RP1: variants seen among roughly 807,000 people sequenced by gnomAD.
RP1 encodes the protein RP1 axonemal microtubule associated, also known as oxygen-regulated protein 1.
RP1 carries 16 observed loss-of-function variants against 14.8 expected under a neutral mutation model. The ratio of observed to expected loss-of-function variants is 1.08; its 90% confidence interval spans 0.73 to 1.65. The LOEUF is 1.65. Ranked by LOEUF, RP1 falls within the 40% of genes most tolerant of loss-of-function variation. The pLI is 0.00. For missense variants in RP1, 2,631 were observed against 2,535.0 expected, an observed-to-expected ratio of 1.04 and a Z score of -0.81; for synonymous variants, 876 against 883.6, an observed-to-expected ratio of 0.99 and a Z score of 0.15.
intron 9 of RP1, among the ~76,000 whole-genome samples, chr8:54,679,129 T>A (rs534827408): frequency 9.2e-5 from 14 of 152,316 alleles, no homozygotes; most frequent in Non-Finnish European, 1.9e-4. Flanking sequence ...CCAGTGAATA[T>A]AACATCTACG....
chr8:54,667,845 A>C (rs948484360), intron 7 of RP1, among the ~76,000 whole-genome samples: 5 of 152,260 alleles, frequency 3.3e-5, no homozygotes, highest in African/African-American at 1.2e-4. Flanking sequence ...GGCAATAATT[A>C]ATAGCCTACC....
At chr8:54,641,144 A>G (rs1325075622) in intron 3 of RP1, among the ~76,000 whole-genome samples, 1 of 151,800 alleles carries the variant, frequency 6.6e-6, no homozygotes, top group Non-Finnish European at 1.5e-5. Flanking sequence ...ACGGGGTTTC[A>G]CTGTGTTAGT....
At chr8:54,576,043 CTTTTTTTT>C (rs11443511) in intron 1 of RP1, among the ~76,000 whole-genome samples, 1 of 140,028 alleles carries the variant, frequency 7.1e-6, no homozygotes, top group South Asian at 2.3e-4. Flanking sequence ...CTGTCAGACT[CTTTTTTTT>C]TTTTTTTGAG....
chr8:54,748,515 A>T (rs541381147), intron 19 of RP1, among the ~76,000 whole-genome samples: 177 of 152,224 alleles, frequency 1.2e-3, no homozygotes, highest in Non-Finnish European at 2.1e-3. Context: ...TCCCCCTTGT[A>T]CAGTCCTTGA....
intron 19 of RP1, among the ~76,000 whole-genome samples, chr8:54,748,705 C>T (rs1424229683): frequency 6.6e-6 from 1 of 152,152 alleles, no homozygotes; most frequent in Admixed American, 6.5e-5. Flanking sequence ...GACATGAGTG[C>T]CCCATCCACC....
chr8:54,846,145 G>A (rs186561920), intron 25 of RP1, among the ~76,000 whole-genome samples: 32 of 152,164 alleles, frequency 2.1e-4, no homozygotes, highest in Middle Eastern at 3.4e-3. Context: ...TGAGATGACC[G>A]TTACAATGGA....
chr8:54,559,986 G>A (rs1257261694), intron 1 of RP1, among the ~76,000 whole-genome samples: 1 of 152,198 alleles, frequency 6.6e-6, no homozygotes. Flanking sequence ...TTTTCATATT[G>A]TTGAGACTGT....
At chr8:54,655,481 A>G (rs1806736316) in intron 5 of RP1, among the ~76,000 whole-genome samples, 1 of 140,580 alleles carries the variant, frequency 7.1e-6, no homozygotes. Context: ...AGTTTTGTTC[A>G]TTGCTAAGGA....
At chr8:54,687,089 T>C (rs917132433) in intron 12 of RP1, among the ~76,000 whole-genome samples, 15 of 152,036 alleles carry the variant, frequency 9.9e-5, no homozygotes, top group African/African-American at 3.4e-4. Context: ...TGCATTTTTC[T>C]TTTTTTATTA....
At chr8:54,580,941 G>A (rs1321039416) in intron 1 of RP1, among the ~76,000 whole-genome samples, 2 of 151,984 alleles carry the variant, frequency 1.3e-5, no homozygotes, top group Non-Finnish European at 2.9e-5. Flanking sequence ...TTAAGCCTTT[G>A]GGATAGTTTG....
intron 22 of RP1, among the ~76,000 whole-genome samples, chr8:54,768,800 C>T (rs945056525): frequency 3.9e-5 from 6 of 152,142 alleles, no homozygotes; most frequent in Non-Finnish European, 7.3e-5. Context: ...CTAAAGTTTA[C>T]CTGGTTTAGG....
chr8:54,756,089 T>A (rs1410693658), intron 21 of RP1, among the ~76,000 whole-genome samples: 1 of 152,182 alleles, frequency 6.6e-6, no homozygotes, highest in Non-Finnish European at 1.5e-5. Context: ...GCTTGAAAGA[T>A]ACAAGGCATT....
intron 1 of RP1, among the ~76,000 whole-genome samples, chr8:54,610,320 C>T (rs3910515): frequency 0.2 from 29,652 of 152,032 alleles, 3,690 homozygotes; most frequent in Non-Finnish European, 0.26. Context: ...GGTTCCTCAC[C>T]GTCTCTGTGG....
At chr8:54,757,227 A>T (rs1325408506) in intron 21 of RP1, among the ~76,000 whole-genome samples, 1 of 152,248 alleles carries the variant, frequency 6.6e-6, no homozygotes, top group Non-Finnish European at 1.5e-5. Flanking sequence ...TAAACCACTC[A>T]TTGGGCTAGT....
At chr8:54,715,303 G>A (rs913904041) in intron 15 of RP1, among the ~76,000 whole-genome samples, 2 of 152,192 alleles carry the variant, frequency 1.3e-5, no homozygotes, top group African/African-American at 4.8e-5. Context: ...ACCTTTTGCA[G>A]TCAGAACTCA....
At chr8:54,852,583 A>G (rs954845367) in exon 26 of RP1, 10 of 1,231,776 alleles carry the variant, frequency 8.1e-6, no homozygotes, top group Middle Eastern at 6.2e-4. Context: ...GTGGTGCTTT[A>G]TGAGATTCGC....
chr8:54,594,996 A>G (rs1003805163), intron 1 of RP1, among the ~76,000 whole-genome samples: 1 of 152,158 alleles, frequency 6.6e-6, no homozygotes, highest in Non-Finnish European at 1.5e-5. Context: ...AAATAATTTC[A>G]AGGTATTTTT....
At chr8:54,849,091 C>G (rs1478158270) in intron 25 of RP1, among the ~76,000 whole-genome samples, 2 of 152,050 alleles carry the variant, frequency 1.3e-5, no homozygotes, top group African/African-American at 4.8e-5. Context: ...CTGATAAGCT[C>G]TCAGACCAGT....
rs530135557 is a variant in RP1 at position 54,861,836 on chromosome 8, A to T, written c.4070-3999A>T. Among the ~76,000 whole-genome samples the T allele has an allele frequency of 2.1e-4, 32 of 152,214 alleles. 1 individual carries two copies. The South Asian group carries it at 6.2e-3, about 30-fold the overall frequency. On this transcript the variant is annotated intron_variant, in intron 27 of 28. Transcript: ENST00000637698. ...CCAGGCTGGTCTCAAACCTGACTTC[A>T]GGTAATCTACCCGCCTTGGCCTCCA...
Sources: allele counts gnomAD v4.1 joint callset (sites outside exome capture counted in the v4.1 genomes callset), GRCh38; gene constraint gnomAD v4.1.1; transcripts MANE v1.5; gene names NCBI Gene and HGNC (gene_info 2026-07-23, HGNC 2026-07-21).